LGALS9: variants seen among roughly 807,000 people sequenced by gnomAD.
LGALS9 encodes the protein galectin 9, also known as galectin-9.
LGALS9 carries 26 observed loss-of-function variants against 35.9 expected under a neutral mutation model. The ratio of observed to expected loss-of-function variants is 0.72; its 90% CI spans 0.53 to 1.01. The LOEUF (loss-of-function observed/expected upper bound fraction) is 1.01. Ranked by LOEUF, LGALS9 falls within the 50% of genes least tolerant of loss-of-function variation. LGALS9 has a pLI of 0.00. For synonymous variants in LGALS9, 149 were observed against 172.2 expected (o/e 0.87, Z 1.06); for missense variants, 347 against 445.8 (o/e 0.78, Z 1.99).
At chr17:27,645,068 C>T in intron 5 of LGALS9, 1 of 642,472 alleles carries the variant, frequency 1.6e-6, no homozygotes, top group South Asian at 2.0e-5. Flanking sequence ...CTATCAAACC[C>T]AGTCTCCTCT....
At chr17:27,637,857 A>G (rs1302501416) in intron 1 of LGALS9, among the ~76,000 whole-genome samples, 4 of 152,114 alleles carry the variant, frequency 2.6e-5, no homozygotes, top group Non-Finnish European at 5.9e-5. Context: ...CTGGGAGCTT[A>G]GCATGGGGTC....
chr17:27,636,133 C>G (rs924162980), intron 1 of LGALS9, among the ~76,000 whole-genome samples: 3 of 152,190 alleles, frequency 2.0e-5, no homozygotes, highest in African/African-American at 7.2e-5. Flanking sequence ...GTACACTGAG[C>G]TAGGATGGGT....
At chr17:27,642,027 A>T (rs191999188) in intron 3 of LGALS9, among the ~76,000 whole-genome samples, 3 of 152,308 alleles carry the variant, frequency 2.0e-5, no homozygotes, top group African/African-American at 7.2e-5. Flanking sequence ...AACCTACTGC[A>T]GGAAACAACC....
intron 3 of LGALS9, 146 bp from the exon 4 acceptor site, chr17:27,642,092 G>A (rs1190951291): frequency 8.7e-6 from 13 of 1,490,020 alleles, no homozygotes; most frequent in African/African-American, 2.8e-5. Flanking sequence ...GATGCACTTT[G>A]GGTCACACAC....
In LGALS9 at chr17:27,648,923, C is replaced by A; in HGVS notation, c.1009C>A (p.Pro337Thr). The change falls in exon 11 of 11, where the codon CCC becomes ACC. Residue 337 changes from proline to threonine, a missense_variant. Pro to Thr is a conservative substitution (Grantham distance 38). Transcript: ENST00000395473. The stretch of plus-strand genomic sequence containing the variant: ...ATACTACCATCGCCTGAGGAACCTG[C>A]CCACCATCAACAGACTGGAAGTGGG... ...FEYYHRLRNLPTINRLEVGGD... is the reference protein window; with the variant it reads ...FEYYHRLRNLTTINRLEVGGD... 6.2e-7 allele frequency: 1 copy of A among 1,613,944 alleles called. No homozygotes were observed. The highest frequency in any genetic ancestry group is 8.5e-7 in the Non-Finnish European group (1 of 1,179,852).
chr17:27,646,136 C>T (rs972813538), intron 7 of LGALS9, among the ~76,000 whole-genome samples: 6 of 152,068 alleles, frequency 3.9e-5, no homozygotes, highest in African/African-American at 1.4e-4. Flanking sequence ...AGACAAGTCC[C>T]CTAGAGACCG....
At chr17:27,637,884 T>C (rs1299319337) in intron 1 of LGALS9, among the ~76,000 whole-genome samples, 2 of 152,148 alleles carry the variant, frequency 1.3e-5, no homozygotes, top group Non-Finnish European at 2.9e-5. Context: ...CCCCCATTGC[T>C]ACCTAATTCC....
In LGALS9 at chr17:27,640,590, G is replaced by T. The variant is rs764138780; in HGVS notation, c.150G>T (p.Gln50His). Residue 50 changes from glutamine (Q) to histidine (H), a missense_variant, in exon 3 of 11, where the codon CAG becomes CAT. Transcript: ENST00000395473. ...SSGTRFAVNF[Q>H]TGFSGNDIAF... Reference sequence around the variant, plus strand: ...GGCCTAGGTTTGCTGTGAACTTTCAGACTGGCTTCAGTGGAAATGACATTG... The same window carrying T: ...GGCCTAGGTTTGCTGTGAACTTTCATACTGGCTTCAGTGGAAATGACATTG... 6.2e-7 allele frequency: 1 copy of T among 1,614,098 alleles called. No individual in the cohort carries two copies. The highest frequency in any genetic ancestry group is 2.2e-5 in the East Asian group (1 of 44,882).
intron 4 of LGALS9, among the ~76,000 whole-genome samples, chr17:27,642,983 G>A (rs776962471): frequency 2.0e-5 from 3 of 152,176 alleles, no homozygotes; most frequent in African/African-American, 7.2e-5. Context: ...TGGGAGAATT[G>A]CTTGAGCCCA....
At chr17:27,637,930 C>A (rs1422517829) in intron 1 of LGALS9, among the ~76,000 whole-genome samples, 3 of 152,056 alleles carry the variant, frequency 2.0e-5, no homozygotes, top group Non-Finnish European at 4.4e-5. Context: ...TACTTCCCTG[C>A]CTGGAAGGAA....
chr17:27,647,570 AAC>A, intron 10 of LGALS9, 138 bp downstream of exon 10: 1 of 1,220,438 alleles, frequency 8.2e-7, no homozygotes, highest in Non-Finnish European at 1.1e-6. Context: ...GAAGGTGGCC[AAC>A]AAATTATTAT....
chr17:27,637,566 G>A (rs558404028), intron 1 of LGALS9, among the ~76,000 whole-genome samples: 42 of 152,164 alleles, frequency 2.8e-4, no homozygotes, highest in African/African-American at 5.1e-4. Flanking sequence ...GCTAGGCCTC[G>A]GGGCTGCTGA....
chr17:27,647,926 G>T (rs1049628694), intron 10 of LGALS9, among the ~76,000 whole-genome samples: 1 of 152,236 alleles, frequency 6.6e-6, no homozygotes, highest in Non-Finnish European at 1.5e-5. Flanking sequence ...AAAACAGAGC[G>T]ATGAGATAGA....
intron 5 of LGALS9, 30 bp downstream of exon 5, chr17:27,643,650 C>G (rs752945617): frequency 1.3e-6 from 2 of 1,581,062 alleles, no homozygotes; most frequent in Admixed American, 1.8e-5. Flanking sequence ...CCTGGGTGGC[C>G]GAGCAGACAG....
chr17:27,640,972 T>G, intron 3 of LGALS9, 199 bp downstream of exon 3: 1 of 845,550 alleles, frequency 1.2e-6, no homozygotes, highest in Non-Finnish European at 2.0e-6. Context: ...CAGGTGCACC[T>G]GCTGCTTCTT....
rs1224715683 is a variant in LGALS9, at chr17:27,648,957, T to G, written c.1043T>G (p.Ile348Ser). Residue 348 changes from isoleucine (I) to serine (S), a missense_variant, in exon 11 of 11, where the codon ATC becomes AGC. By Grantham distance (142) the Ile-to-Ser change is moderately radical (BLOSUM62 -2). Transcript: ENST00000395473. Reference protein sequence around the residue: ...TINRLEVGGDIQLTHVQT With the variant: ...TINRLEVGGDSQLTHVQT Reference sequence around the variant, plus strand: ...AACAGACTGGAAGTGGGGGGCGACATCCAGCTGACCCATGTGCAGACATAG... The same window carrying G: ...AACAGACTGGAAGTGGGGGGCGACAGCCAGCTGACCCATGTGCAGACATAG... The G allele has an allele frequency of 4.3e-6, 7 of 1,613,776 alleles. No homozygotes were observed. The African/African-American group carries it at 9.3e-5, about 22-fold the overall frequency.
intron 1 of LGALS9, among the ~76,000 whole-genome samples, chr17:27,637,623 G>A (rs2074467549): frequency 6.6e-6 from 1 of 152,228 alleles, no homozygotes; most frequent in Admixed American, 6.5e-5. Flanking sequence ...AATAGAGGAG[G>A]GGGCTGCCCC....
intron 1 of LGALS9, among the ~76,000 whole-genome samples, chr17:27,633,515 C>T (rs2074412262): frequency 6.6e-6 from 1 of 152,240 alleles, no homozygotes; most frequent in African/African-American, 2.4e-5. Flanking sequence ...GAGCTCCCCA[C>T]TTCGGGGTCG....
intron 1 of LGALS9, among the ~76,000 whole-genome samples, chr17:27,631,977 G>A (rs368580339): frequency 3.3e-5 from 5 of 152,100 alleles, no homozygotes; most frequent in East Asian, 1.9e-4. Context: ...AGAGGTGAGA[G>A]GGGGGTGAGG....
Sources: allele counts gnomAD v4.1 joint callset (sites outside exome capture counted in the v4.1 genomes callset), GRCh38; gene constraint gnomAD v4.1.1; transcripts MANE v1.5; gene names NCBI Gene and HGNC (gene_info 2026-07-23, HGNC 2026-07-21).